Variants in FRMD3 observed in about 807,000 individuals in gnomAD.
The protein encoded by FRMD3 is FERM domain containing 3, also known as FERM domain-containing protein 3.
A neutral mutation model predicts 70.2 loss-of-function variants in FRMD3; 33 were observed. The observed-to-expected ratio is 0.47, with a 90% CI of 0.36 to 0.63. The LOEUF is 0.63. FRMD3 is among the 20% of genes least tolerant of loss of function. The probability of loss-of-function intolerance (pLI) is 0.00; values close to 1 mark genes in which losing one functional copy is unlikely to be tolerated. For missense variants in FRMD3, 632 were observed against 711.4 expected, an observed-to-expected ratio of 0.89 and a Z score of 1.27; for synonymous variants, 279 against 255.9, an observed-to-expected ratio of 1.09 and a Z score of -0.86.
At chr9:83,348,355 A>C (rs561112197) in intron 4 of FRMD3, among the ~76,000 whole-genome samples, 1 of 152,328 alleles carries the variant, frequency 6.6e-6, no homozygotes, top group African/African-American at 2.4e-5. Context: ...TCAATCCAAA[A>C]TCAGACCAAG....
chr9:83,373,055 T>G, intron 2 of FRMD3, 100 bp from the exon 3 acceptor site: 1 of 936,772 alleles, frequency 1.1e-6, no homozygotes, highest in Non-Finnish European at 1.7e-6. Flanking sequence ...ACAGCCTCGG[T>G]TTCCATAGAT....
chr9:83,401,853 G>C (rs1306219714), intron 1 of FRMD3, among the ~76,000 whole-genome samples: 1 of 152,106 alleles, frequency 6.6e-6, no homozygotes, highest in Non-Finnish European at 1.5e-5. Context: ...GTGCCTAAAA[G>C]GATGAAATAA....
chr9:83,554,759 T>G, the FRMD3 span, among the ~76,000 whole-genome samples: 1 of 152,216 alleles, frequency 6.6e-6, no homozygotes, highest in South Asian at 2.1e-4. Flanking sequence ...GAACTGGTAC[T>G]GGCTTGGTAG....
At chr9:83,348,172 T>A (rs79912756) in intron 4 of FRMD3, among the ~76,000 whole-genome samples, 5,821 of 152,224 alleles carry the variant, frequency 0.038, 367 homozygotes, top group African/African-American at 0.13. Context: ...AGGATTTGAT[T>A]TGATCTTCCT....
Position 83,245,111 on chromosome 9 carries a change from T to C in FRMD3, c.*2807A>G, listed in dbSNP as rs1320804517. On this transcript the variant is annotated 3_prime_UTR_variant, in exon 14 of 14. Transcript: ENST00000304195. The stretch of plus-strand genomic sequence containing the variant: ...AGAAGAACCAATAATACATCTCAAA[T>C]TCCTCAATTAGGGCAAAATAAGCAC... 1.0e-6 allele frequency: 1 copy of C among 985,250 alleles called. No individual in the cohort carries two copies. The highest frequency in any genetic ancestry group is 1.2e-6 in the Non-Finnish European group (1 of 829,890). The allele number at this position is 985,250 out of a possible 1,614,324, so 61.0% of individuals were successfully genotyped here.
chr9:83,583,790 G>A, the FRMD3 span, among the ~76,000 whole-genome samples: 2 of 152,128 alleles, frequency 1.3e-5, no homozygotes, highest in East Asian at 1.9e-4. Context: ...TGTATTTTTT[G>A]TAGAGATGGG....
chr9:83,561,046 T>C, the FRMD3 span, among the ~76,000 whole-genome samples: 1 of 152,234 alleles, frequency 6.6e-6, no homozygotes, highest in Non-Finnish European at 1.5e-5. Flanking sequence ...AAACACTTCC[T>C]TCTCTGAGAA....
chr9:83,284,626 A>G (rs879003025), intron 13 of FRMD3, among the ~76,000 whole-genome samples: 1 of 152,114 alleles, frequency 6.6e-6, no homozygotes, highest in Admixed American at 6.5e-5. Flanking sequence ...AAACAAACAA[A>G]ACCCAGTGCA....
intron 1 of FRMD3, among the ~76,000 whole-genome samples, chr9:83,526,284 C>T (rs2131551899): frequency 6.6e-6 from 1 of 152,292 alleles, no homozygotes; most frequent in Non-Finnish European, 1.5e-5. Context: ...ACAAGGAGCT[C>T]TGCATTTTCA....
At chr9:83,479,302 A>AAGAAGGAGAAGGAGAAGG (rs2131472255) in intron 1 of FRMD3, among the ~76,000 whole-genome samples, 1 of 118,440 alleles carries the variant, frequency 8.4e-6, no homozygotes, top group East Asian at 2.2e-4. Context: ...GAAGAAGAAG[A>AAGAAGGAGAAGGAGAAGG]AGGAGAAGGA....
At chr9:83,483,543 G>A (rs1324528588) in intron 1 of FRMD3, among the ~76,000 whole-genome samples, 2 of 152,118 alleles carry the variant, frequency 1.3e-5, no homozygotes, top group African/African-American at 2.4e-5. Context: ...GGATTATAAC[G>A]TCTGAAACTA....
intron 1 of FRMD3, among the ~76,000 whole-genome samples, chr9:83,453,509 T>G (rs753962782): frequency 7.9e-5 from 12 of 152,180 alleles, no homozygotes; most frequent in Admixed American, 2.0e-4. Context: ...TTGTAAAATC[T>G]AGATACAGAT....
At chr9:83,316,401 C>T (rs921806124) in intron 6 of FRMD3, among the ~76,000 whole-genome samples, 1 of 152,178 alleles carries the variant, frequency 6.6e-6, no homozygotes, top group South Asian at 2.1e-4. Context: ...AAGCAATCCA[C>T]CTGCCTCAGC....
chr9:83,402,557 G>A (rs929666007), intron 1 of FRMD3, among the ~76,000 whole-genome samples: 1 of 152,028 alleles, frequency 6.6e-6, no homozygotes, highest in African/African-American at 2.4e-5. Flanking sequence ...TGCTGGGGTA[G>A]GGGGAAAATG....
chr9:83,532,078 G>A lies in FRMD3; in HGVS notation c.147+6007C>T, dbSNP rs554500631. Reference sequence around the variant, plus strand: ...TTTTTCAGCTCTCACTATGTGCCAGGTACTAAGCTAAGCACTTGACATATA... The same window carrying A: ...TTTTTCAGCTCTCACTATGTGCCAGATACTAAGCTAAGCACTTGACATATA... On this transcript the variant is annotated intron_variant, in intron 1 of 13. Transcript: ENST00000304195. Among the ~76,000 whole-genome samples, 38 of 152,232 alleles carry A rather than the reference G, an allele frequency of 2.5e-4. 1 individual carries two copies. The South Asian group carries it at 5.8e-3, about 23-fold the overall frequency.
At chr9:83,257,547 T>C (rs1192770806) in intron 13 of FRMD3, among the ~76,000 whole-genome samples, 4 of 152,168 alleles carry the variant, frequency 2.6e-5, no homozygotes, top group South Asian at 4.1e-4. Context: ...TGAGTGTAAA[T>C]TGTAAAACAC....
chr9:83,580,264 G>A, the FRMD3 span, among the ~76,000 whole-genome samples: 1,773 of 152,036 alleles, frequency 0.012, 23 homozygotes, highest in Non-Finnish European at 0.017. Context: ...TGTACAATCC[G>A]GTACTCTCAT....
At chr9:83,461,527 G>A (rs1035525888) in intron 1 of FRMD3, among the ~76,000 whole-genome samples, 1 of 152,044 alleles carries the variant, frequency 6.6e-6, no homozygotes, top group Admixed American at 6.5e-5. Context: ...GATGACATTT[G>A]GCTGAGTCCT....
At chr9:83,418,934 AC>A (rs1826538502) in intron 1 of FRMD3, among the ~76,000 whole-genome samples, 1 of 152,200 alleles carries the variant, frequency 6.6e-6, no homozygotes, top group South Asian at 2.1e-4. Flanking sequence ...TTATATATAC[AC>A]CATGGAATTC....
Sources: gnomAD v4.1 joint callset for allele counts (sites outside exome capture counted in the v4.1 genomes callset) on GRCh38, gnomAD v4.1.1 for gene constraint, MANE v1.5 for transcripts, NCBI Gene and HGNC (gene_info 2026-07-23, HGNC 2026-07-21) for gene names.